NAP1L4: variants seen among roughly 807,000 people sequenced by gnomAD.
NAP1L4 encodes nucleosome assembly protein 1-like 4.
In NAP1L4, 15 loss-of-function variants were observed where a neutral mutation model predicts 58.2. The ratio of observed to expected loss-of-function variants is 0.26; its 90% CI spans 0.17 to 0.40. The LOEUF is 0.40. NAP1L4 is among the 10% of genes least tolerant of loss of function. The probability of loss-of-function intolerance (pLI) is 1.00; values close to 1 mark genes in which losing one functional copy is unlikely to be tolerated. For synonymous variants in NAP1L4, 171 were observed against 155.6 expected, an observed-to-expected ratio of 1.10 and a Z score of -0.74; for missense variants, 384 against 451.1, an observed-to-expected ratio of 0.85 and a Z score of 1.35.
At position 2,951,732 on chromosome 11, in the gene NAP1L4, G is replaced by T. The variant is rs1309450010; in HGVS notation, c.1065+48C>A. ...TAACCTTCAAGCAGAGAAAGCCAAAGAAACAACTTCAGGGAGGTAAGTGGC... is the reference window on the plus strand; with the variant it reads ...TAACCTTCAAGCAGAGAAAGCCAAATAAACAACTTCAGGGAGGTAAGTGGC... On this transcript the variant is annotated intron_variant, in intron 13 of 15. Coordinates refer to ENST00000380542, the MANE Select transcript of NAP1L4 (RefSeq NM_005969.4). This position sits in a 1 kb window ranked among gnomAD's most constrained non-coding sequence, Gnocchi z 4.0. The T allele has an allele frequency of 1.2e-6, 2 of 1,602,146 alleles. No homozygotes were observed. Among genetic ancestry groups the T allele is most frequent in the Admixed American group, 1.7e-5 (1 of 59,982 alleles).
intron 1 of NAP1L4, among the ~76,000 whole-genome samples, chr11:2,982,458 GAC>G (rs1345608953): frequency 6.6e-6 from 1 of 152,164 alleles, no homozygotes; most frequent in Admixed American, 6.5e-5. Context: ...ACCTCGTAAA[GAC>G]ACATACTTCA....
rs750453113 is a variant in NAP1L4 at position 2,971,549 on chromosome 11, G to A, written c.316-15C>T. The A allele has an allele frequency of 1.2e-6, 2 of 1,604,262 alleles. No homozygotes were observed. Among genetic ancestry groups the A allele is most frequent in the Non-Finnish European group, 1.7e-6 (2 of 1,173,154 alleles). On this transcript the variant is annotated splice_polypyrimidine_tract_variant and intron_variant, in intron 5 of 15. Coordinates refer to ENST00000380542, the MANE Select transcript of NAP1L4 (RefSeq NM_005969.4). This position sits in a 1 kb window ranked among gnomAD's most constrained non-coding sequence, Gnocchi z 4.2. ...AATTCTCTTCTCTACATAAAAATGA[G>A]ACCTTATTAGAATTATGTTATTAGC...
At chr11:2,947,846 T>C (rs1346100231) in intron 15 of NAP1L4, among the ~76,000 whole-genome samples, 1 of 152,178 alleles carries the variant, frequency 6.6e-6, no homozygotes, top group Non-Finnish European at 1.5e-5. Context: ...AACAAAGACA[T>C]GCCGCTGAAA....
At position 2,945,450 on chromosome 11, in the gene NAP1L4, A is replaced by G. The variant is rs142830331; in HGVS notation, c.*229T>C. On this transcript the variant is annotated 3_prime_UTR_variant, in exon 16 of 16. Transcript: ENST00000380542. ...GCCACTGTACAAGTTAAGCAAAATA[A>G]TAAGGAAAAAGGAAAAGTGAAAGTG... The G allele has an allele frequency of 1.0e-5, 7 of 682,392 alleles. No individual in the cohort carries two copies. The highest frequency in any genetic ancestry group is 2.5e-4 in the Middle Eastern group (1 of 4,046). 42.3% of individuals were successfully genotyped at this position (682,392 alleles called of 1,614,324 possible). A position where few individuals can be genotyped will look rare whatever the true frequency, so the allele number is the denominator to read the frequency against.
chr11:2,980,136 T>C (rs766946446), intron 1 of NAP1L4, among the ~76,000 whole-genome samples: 1 of 152,232 alleles, frequency 6.6e-6, no homozygotes, highest in Non-Finnish European at 1.5e-5. Flanking sequence ...ATTAAGGGTG[T>C]GTTCTAGGGC....
chr11:2,965,918 A>G (rs1323182927), intron 7 of NAP1L4, among the ~76,000 whole-genome samples: 1 of 152,202 alleles, frequency 6.6e-6, no homozygotes. Flanking sequence ...ATCATGGAAG[A>G]GCGTACAATT....
intron 3 of NAP1L4, 87 bp downstream of exon 3, chr11:2,978,197 G>T: frequency 2.3e-6 from 3 of 1,292,634 alleles, no homozygotes; most frequent in South Asian, 1.3e-5. Context: ...TGCAGTACAG[G>T]AATCCTTTAC....
At chr11:2,956,196 A>G (rs973053215) in intron 10 of NAP1L4, among the ~76,000 whole-genome samples, 7 of 152,330 alleles carry the variant, frequency 4.6e-5, no homozygotes, top group African/African-American at 1.7e-4. Flanking sequence ...ATAAGCTGTG[A>G]GTGTTACTAA....
chr11:2,976,445 A>G (rs1470485600), intron 3 of NAP1L4, among the ~76,000 whole-genome samples: 3 of 152,176 alleles, frequency 2.0e-5, no homozygotes, highest in African/African-American at 4.8e-5. Flanking sequence ...GTAAGTTCAC[A>G]TGGTCTACCC....
Position 2,949,403 on chromosome 11 carries a change from A to ACCT in NAP1L4, c.1123-140_1123-139insAGG. 1 of 705,764 alleles carries ACCT rather than the reference A, an allele frequency of 1.4e-6. No individual in the cohort carries two copies. Among genetic ancestry groups the ACCT allele is most frequent in the Non-Finnish European group, 2.6e-6 (1 of 388,052 alleles). The allele number at this position is 705,764 out of a possible 1,614,324, so 43.7% of individuals were successfully genotyped here. A position where few individuals can be genotyped will look rare whatever the true frequency, so the allele number is the denominator to read the frequency against. On this transcript the variant is annotated intron_variant, in intron 14 of 15. Coordinates refer to ENST00000380542, the MANE Select transcript of NAP1L4 (RefSeq NM_005969.4). This position sits in a 1 kb window ranked among gnomAD's most constrained non-coding sequence, Gnocchi z 4.0. ...ACTGAACTCGGGGTGAACAACTTCA[A>ACCT]CACTAGATCATACTTTCAAAATGGG...
At chr11:2,985,980 TG>T (rs1848593751) in intron 1 of NAP1L4, among the ~76,000 whole-genome samples, 1 of 152,246 alleles carries the variant, frequency 6.6e-6, no homozygotes, top group Non-Finnish European at 1.5e-5. Context: ...CCCAAACAAC[TG>T]TTTTCTTATG....
intron 10 of NAP1L4, among the ~76,000 whole-genome samples, chr11:2,957,631 C>A (rs1022121762): frequency 6.6e-6 from 1 of 152,036 alleles, no homozygotes; most frequent in Non-Finnish European, 1.5e-5. Context: ...CATTTTCTCG[C>A]GATTAGGAAA....
At chr11:2,987,756 C>CAAAAAAAAAAAAAAAAA (rs57754393) in intron 1 of NAP1L4, among the ~76,000 whole-genome samples, 1 of 70,456 alleles carries the variant, frequency 1.4e-5, no homozygotes. Flanking sequence ...GACTCCACCT[C>CAAAAAAAAAAAAAAAAA]AAAAAAAAAA....
intron 1 of NAP1L4, chr11:2,990,953 G>A (rs1315822932): frequency 2.7e-6 from 1 of 365,010 alleles, no homozygotes; most frequent in African/African-American, 2.1e-5. Context: ...ATATTTCTAA[G>A]GTAAGAGAAT....
chr11:2,988,142 G>C (rs915782682), intron 1 of NAP1L4: 5 of 152,076 alleles, frequency 3.3e-5, no homozygotes, highest in Admixed American at 6.5e-5. Context: ...GTTTCAAGAA[G>C]AAAGCAAAAA....
chr11:2,977,562 G>A (rs952921685), intron 3 of NAP1L4, among the ~76,000 whole-genome samples: 7 of 152,188 alleles, frequency 4.6e-5, no homozygotes, highest in African/African-American at 1.2e-4. Flanking sequence ...CAAAACGCAT[G>A]ATCCTTGAAT....
intron 10 of NAP1L4, chr11:2,958,152 G>C: frequency 1.5e-6 from 1 of 665,966 alleles, no homozygotes. Context: ...CTACAGCCAA[G>C]CAGAGTAAAG....
chr11:2,990,152 G>A (rs562749421), intron 1 of NAP1L4: 79 of 136,006 alleles, frequency 5.8e-4, no homozygotes, highest in Admixed American at 4.6e-3. Flanking sequence ...TGACATATAG[G>A]CACAAATAAC....
intron 12 of NAP1L4, among the ~76,000 whole-genome samples, chr11:2,953,641 CAGTCTA>C (rs1846359088): frequency 6.6e-6 from 1 of 152,242 alleles, no homozygotes; most frequent in Non-Finnish European, 1.5e-5. Flanking sequence ...GTTAAATGAA[CAGTCTA>C]AGACCTAACA....
Sources: gnomAD v4.1 joint callset for allele counts (sites outside exome capture counted in the v4.1 genomes callset) on GRCh38, gnomAD v4.1.1 for gene constraint, Gnocchi (gnomAD v3.1) non-coding constraint, MANE v1.5 for transcripts, NCBI Gene and HGNC (gene_info 2026-07-23, HGNC 2026-07-21) for gene names.